SIPA1L2: variants seen among roughly 807,000 people sequenced by gnomAD.
SIPA1L2 encodes the protein signal-induced proliferation-associated 1-like protein 2.
SIPA1L2 carries 56 observed loss-of-function variants against 163.9 expected under a neutral mutation model. The observed-to-expected ratio is 0.34, with a 90% confidence interval of 0.28 to 0.43. The LOEUF (loss-of-function observed/expected upper bound fraction) is 0.43. Ranked by LOEUF, SIPA1L2 falls within the 20% of genes least tolerant of loss-of-function variation. SIPA1L2 has a pLI of 1.00. For missense variants in SIPA1L2, 1,974 were observed against 2,193.5 expected, an observed-to-expected ratio of 0.90 and a Z score of 2.00; for synonymous variants, 877 against 865.7, an observed-to-expected ratio of 1.01 and a Z score of -0.23.
intron 3 of SIPA1L2, 146 bp downstream of exon 3, chr1:232,513,711 G>A (rs1558235166): frequency 3.3e-5 from 26 of 794,130 alleles, no homozygotes; most frequent in Non-Finnish European, 5.0e-5. Context: ...GCTATGGAGG[G>A]ACCATGATGG....
At position 232,597,563 on chromosome 1, in the gene SIPA1L2, G is replaced by A. The variant is rs192684942; in HGVS notation, c.-318-23341C>T. Among the ~76,000 whole-genome samples the A allele has an allele frequency of 2.7e-3, 409 of 151,140 alleles. 4 individuals carry two copies. Among genetic ancestry groups the A allele is most frequent in the African/African-American group, 9.3e-3 (384 of 41,164 alleles). On this transcript the variant is annotated intron_variant, in intron 1 of 22. Coordinates refer to ENST00000674635, the MANE Select transcript of SIPA1L2 (RefSeq NM_020808.5). Reference sequence around the variant, plus strand: ...AAATTAGCCGGGCGTGATGGCGGGCGTCTGTAGTCCCAGCTACTCAGGAGG... The same window carrying A: ...AAATTAGCCGGGCGTGATGGCGGGCATCTGTAGTCCCAGCTACTCAGGAGG...
intron 12 of SIPA1L2, 80 bp from the exon 13 acceptor site, chr1:232,441,948 A>G: frequency 8.1e-7 from 1 of 1,234,886 alleles, no homozygotes; most frequent in Admixed American, 2.1e-5. Flanking sequence ...CTGGCTTCCA[A>G]GTAGGCTATG....
At chr1:232,560,900 A>G (rs1277225845) in intron 2 of SIPA1L2, among the ~76,000 whole-genome samples, 2 of 152,258 alleles carry the variant, frequency 1.3e-5, no homozygotes, top group Non-Finnish European at 2.9e-5. Flanking sequence ...AGAGGAAAAA[A>G]AAGTAAATAA....
intron 21 of SIPA1L2, among the ~76,000 whole-genome samples, chr1:232,402,942 C>CG (rs1381024214): frequency 2.6e-5 from 4 of 152,172 alleles, no homozygotes; most frequent in Non-Finnish European, 4.4e-5. Context: ...ACACATTTCA[C>CG]GGGGAATGAA....
rs1664464010 is a variant in SIPA1L2 at position 232,465,519 on chromosome 1, C to T, written c.2244-103G>A. The T allele has an allele frequency of 3.4e-5, 22 of 650,472 alleles. No homozygotes were observed. In the South Asian group the frequency reaches 4.4e-4, roughly 13 times the overall value. 40.3% of individuals were successfully genotyped at this position (650,472 alleles called of 1,614,324 possible). On this transcript the variant is annotated intron_variant, in intron 8 of 22. Coordinates refer to ENST00000674635, the MANE Select transcript of SIPA1L2 (RefSeq NM_020808.5). This position sits in a 1 kb window ranked among gnomAD's most constrained non-coding sequence, Gnocchi z 4.1. ...ATACACACACACACACATATACATA[C>T]ACACACACACACACATATACATACA...
Position 232,498,630 on chromosome 1 carries a change from G to A in SIPA1L2, c.1484-4970C>T, listed in dbSNP as rs77631268. 1.1e-4 allele frequency among the ~76,000 whole-genome samples: 17 copies of A among 152,228 alleles called. No individual in the cohort carries two copies. In the East Asian group the frequency reaches 1.5e-3, roughly 14 times the overall value. ...CAGCTTCTAGACCTACATTCGTTACGTTTCTTGGCTCATGGCCCTTCCTCC... is the reference window on the plus strand; with the variant it reads ...CAGCTTCTAGACCTACATTCGTTACATTTCTTGGCTCATGGCCCTTCCTCC... On this transcript the variant is annotated intron_variant, in intron 3 of 22. Coordinates refer to ENST00000674635, the MANE Select transcript of SIPA1L2 (RefSeq NM_020808.5).
Position 232,439,468 on chromosome 1 carries a change from G to A in SIPA1L2, c.3671C>T (p.Ser1224Phe), listed in dbSNP as rs757582870. ...GTTGCTGGAGAGCGTGTTGCTGCTGGAGTGACTGGAGCAACTTTTATCCCC... is the reference window on the plus strand; with the variant it reads ...GTTGCTGGAGAGCGTGTTGCTGCTGAAGTGACTGGAGCAACTTTTATCCCC... ...HIGDKSCSSH[S>F]SSNTLSSNTS... Residue 1224 changes from serine to phenylalanine, a missense_variant, in exon 15 of 23, where the codon TCC becomes TTC. Coordinates refer to ENST00000674635, the MANE Select transcript of SIPA1L2 (RefSeq NM_020808.5). The A allele has an allele frequency of 1.9e-6, 3 of 1,613,646 alleles. No individual in the cohort carries two copies. The Admixed American group carries it at 5.0e-5, about 27-fold the overall frequency.
At chr1:232,588,997 T>C (rs1660826129) in intron 1 of SIPA1L2, among the ~76,000 whole-genome samples, 1 of 151,822 alleles carries the variant, frequency 6.6e-6, no homozygotes, top group Admixed American at 6.6e-5. Flanking sequence ...ACAAAAACTC[T>C]TTGGAGTCCT....
intron 1 of SIPA1L2, among the ~76,000 whole-genome samples, chr1:232,618,597 T>C (rs1325661265): frequency 6.7e-6 from 1 of 148,976 alleles, no homozygotes; most frequent in African/African-American, 2.5e-5. Context: ...GAGGTTGCAG[T>C]GAGCCAAGAT....
chr1:232,515,726 C>G (rs2103048380), intron 2 of SIPA1L2, 118 bp from the exon 3 acceptor site: 1 of 186,160 alleles, frequency 5.4e-6, no homozygotes, highest in African/African-American at 2.4e-5. Flanking sequence ...GTTTCATGAT[C>G]CACAGCACTG....
rs766469679 is a variant in SIPA1L2 at position 232,445,677 on chromosome 1, C to G, written c.3205G>C (p.Val1069Leu). 1.9e-6 allele frequency: 3 copies of G among 1,613,304 alleles called. No individual in the cohort carries two copies. The highest frequency in any genetic ancestry group is 3.3e-5 in the Admixed American group (2 of 59,974). ...AGGGGCTGCAGGGCAGGAGTGGGCACCCGGTGCCACGTGGTGTTCCTCCTG... is the reference window on the plus strand; with the variant it reads ...AGGGGCTGCAGGGCAGGAGTGGGCAGCCGGTGCCACGTGGTGTTCCTCCTG... Reference protein sequence around the residue: ...PFRRNTTWHRVPTPALQPLSR... With the variant: ...PFRRNTTWHRLPTPALQPLSR... Residue 1069 changes from valine to leucine, a missense_variant, in exon 11 of 23, where the codon GTG (valine) becomes CTG (leucine). Val to Leu is a conservative substitution (Grantham distance 32). Transcript: ENST00000674635.
intron 6 of SIPA1L2, among the ~76,000 whole-genome samples, chr1:232,482,139 G>T (rs556582162): frequency 2.6e-5 from 4 of 152,084 alleles, no homozygotes; most frequent in African/African-American, 9.7e-5. Flanking sequence ...TCATCTCCTT[G>T]AGCTAAGGTG....
chr1:232,447,891 C>T (rs548983480), intron 10 of SIPA1L2, among the ~76,000 whole-genome samples: 2 of 152,270 alleles, frequency 1.3e-5, no homozygotes, highest in South Asian at 4.1e-4. Flanking sequence ...ATATTTTAAA[C>T]TATAGTTATA....
chr1:232,626,716 A>G (rs1032771545), intron 1 of SIPA1L2, among the ~76,000 whole-genome samples: 2 of 152,204 alleles, frequency 1.3e-5, no homozygotes, highest in East Asian at 3.8e-4. Context: ...TTCACATACA[A>G]ACTTACTATA....
chr1:232,440,381 C>A (rs564007120), intron 14 of SIPA1L2, among the ~76,000 whole-genome samples: 1 of 152,196 alleles, frequency 6.6e-6, no homozygotes, highest in Non-Finnish European at 1.5e-5. Flanking sequence ...TCCAGCCTAT[C>A]AGATCCTTAA....
intron 7 of SIPA1L2, among the ~76,000 whole-genome samples, chr1:232,475,948 G>C (rs894741732): frequency 1.3e-5 from 2 of 152,146 alleles, no homozygotes; most frequent in African/African-American, 2.4e-5. Context: ...ATAAGTATAT[G>C]CTCCTACTTA....
chr1:232,434,082 T>A (rs2102839390), intron 15 of SIPA1L2, among the ~76,000 whole-genome samples: 1 of 152,226 alleles, frequency 6.6e-6, no homozygotes, highest in African/African-American at 2.4e-5. Context: ...CGAGTAGGAG[T>A]CCTTTCTATT....
rs550144928 is a variant in SIPA1L2, at chr1:232,414,202, G to A, written c.4762+1292C>T. 9.2e-5 allele frequency among the ~76,000 whole-genome samples: 14 copies of A among 152,306 alleles called. No homozygotes were observed. In the South Asian group the frequency reaches 2.1e-3, roughly 23 times the overall value. On this transcript the variant is annotated intron_variant, in intron 19 of 22. Coordinates refer to ENST00000674635, the MANE Select transcript of SIPA1L2 (RefSeq NM_020808.5). ...TCCTTCCATTTAGGGAGCAGTGAGC[G>A]CACATTCATGTTGCAGAAGCTTCCT...
chr1:232,599,475 T>A (rs1661474026), intron 1 of SIPA1L2, among the ~76,000 whole-genome samples: 1 of 152,216 alleles, frequency 6.6e-6, no homozygotes, highest in South Asian at 2.1e-4. Context: ...GGAAGTTGCA[T>A]CATCTTCTGT....
Sources: gnomAD v4.1 joint callset for allele counts (sites outside exome capture counted in the v4.1 genomes callset) on GRCh38, gnomAD v4.1.1 for gene constraint, Gnocchi (gnomAD v3.1) non-coding constraint, MANE v1.5 for transcripts, NCBI Gene and HGNC (gene_info 2026-07-23, HGNC 2026-07-21) for gene names.